Variants in SMIM14 observed in about 807,000 individuals in gnomAD.
SMIM14 encodes the protein chromosome 4 open reading frame 34.
In SMIM14, 5 loss-of-function variants were observed where a neutral mutation model predicts 12.6. The ratio of observed to expected loss-of-function variants is 0.40; its 90% CI spans 0.21 to 0.83. SMIM14 has a LOEUF of 0.83. Ranked by LOEUF, SMIM14 falls within the 40% of genes least tolerant of loss-of-function variation. SMIM14 has a pLI of 0.37. For missense variants in SMIM14, 86 were observed against 119.1 expected (o/e 0.72, Z 1.29); for synonymous variants, 30 against 40.1 (o/e 0.75, Z 0.95).
chr4:39,603,627 T>C (rs956879403), intron 2 of SMIM14, among the ~76,000 whole-genome samples: 2 of 152,102 alleles, frequency 1.3e-5, no homozygotes, highest in African/African-American at 4.8e-5. Context: ...TATTTAAGCT[T>C]ATAGACTCAC....
intron 1 of SMIM14, among the ~76,000 whole-genome samples, chr4:39,614,464 G>A (rs1278933170): frequency 6.6e-6 from 1 of 151,850 alleles, no homozygotes; most frequent in Non-Finnish European, 1.5e-5. Flanking sequence ...GGGATTACAG[G>A]TGTGTGCCAC....
chr4:39,604,703 T>C (rs1333366916), intron 2 of SMIM14, among the ~76,000 whole-genome samples: 2 of 151,632 alleles, frequency 1.3e-5, no homozygotes, highest in African/African-American at 2.4e-5. Context: ...CTCTGCCTCC[T>C]GGGTTCAAGC....
intron 4 of SMIM14, among the ~76,000 whole-genome samples, chr4:39,556,137 T>C (rs921592940): frequency 1.3e-5 from 2 of 148,638 alleles, no homozygotes; most frequent in African/African-American, 5.0e-5. Flanking sequence ...CAGTCCAGCC[T>C]GGGCGGCACA....
chr4:39,613,392 T>C (rs1436692900), intron 1 of SMIM14, among the ~76,000 whole-genome samples: 1 of 152,250 alleles, frequency 6.6e-6, no homozygotes, highest in Admixed American at 6.5e-5. Flanking sequence ...TTTCTTCCTG[T>C]ACACTTGAGC....
chr4:39,566,342 T>C lies in SMIM14; in HGVS notation c.124+6073A>G, dbSNP rs549585991. Among the ~76,000 whole-genome samples, 36 of 151,858 alleles carry C rather than the reference T, an allele frequency of 2.4e-4. No homozygotes were observed. The South Asian group carries it at 5.6e-3, about 24-fold the overall frequency. ...TGAAGATGTTGAATTTGAGGTGCCT[T>C]GTTAGACATCCCAGTGGAAATGCCC... On this transcript the variant is annotated intron_variant, in intron 3 of 4. Coordinates refer to ENST00000295958, the MANE Select transcript of SMIM14 (RefSeq NM_174921.3).
chr4:39,633,961 C>G (rs1188513468), intron 1 of SMIM14, among the ~76,000 whole-genome samples: 2 of 152,176 alleles, frequency 1.3e-5, no homozygotes, highest in African/African-American at 4.8e-5. Context: ...GAGACGGAGT[C>G]TCGCTCTGTC....
In SMIM14 at chr4:39,552,030, G is replaced by A; in HGVS notation, c.*96C>T. The A allele has an allele frequency of 1.0e-6, 1 of 991,248 alleles. No individual in the cohort carries two copies. Among genetic ancestry groups the A allele is most frequent in the African/African-American group, 1.7e-5 (1 of 59,690 alleles). 61.4% of individuals were successfully genotyped at this position (991,248 alleles called of 1,614,324 possible). ...ACCATCCCATATTGCAGATACAAAA[G>A]GAAAAACAGTTCTAATGGGGTTAAG... On this transcript the variant is annotated 3_prime_UTR_variant, in exon 5 of 5. Coordinates refer to ENST00000295958, the MANE Select transcript of SMIM14 (RefSeq NM_174921.3).
intron 1 of SMIM14, among the ~76,000 whole-genome samples, chr4:39,621,781 C>G (rs1715503448): frequency 6.7e-6 from 1 of 150,206 alleles, no homozygotes; most frequent in African/African-American, 2.4e-5. Flanking sequence ...CATCCTTGAC[C>G]TCCCAGGCTC....
Position 39,625,488 on chromosome 4 carries a change from C to T in SMIM14, c.-36+13251G>A, listed in dbSNP as rs144822839. Among the ~76,000 whole-genome samples, 788 of 152,014 alleles carry T rather than the reference C, an allele frequency of 5.2e-3. 10 individuals carry two copies. Among genetic ancestry groups the T allele is most frequent in the African/African-American group, 0.018 (733 of 41,454 alleles). Reference sequence around the variant, plus strand: ...ACGGAGTCTTGCTCTGTTGCCCAGGCTGGAGTGCAGTGGCGCAATCTAGAC... The same window carrying T: ...ACGGAGTCTTGCTCTGTTGCCCAGGTTGGAGTGCAGTGGCGCAATCTAGAC... On this transcript the variant is annotated intron_variant, in intron 1 of 4. Transcript: ENST00000295958.
intron 3 of SMIM14, among the ~76,000 whole-genome samples, chr4:39,570,732 C>T (rs1712839494): frequency 6.6e-6 from 1 of 151,934 alleles, no homozygotes; most frequent in Non-Finnish European, 1.5e-5. Context: ...ACATAGCTCA[C>T]TGCAGCCTCA....
At chr4:39,605,034 G>A in intron 2 of SMIM14, 37 bp downstream of exon 2, 1 of 1,255,390 alleles carries the variant, frequency 8.0e-7, no homozygotes, top group Non-Finnish European at 1.2e-6. Flanking sequence ...AAGGGATACA[G>A]ATCAGTTCAG....
chr4:39,622,418 TGAGACG>T lies in SMIM14; in HGVS notation c.-36+16315_-36+16320del, dbSNP rs1156351766. 9.9e-5 allele frequency among the ~76,000 whole-genome samples: 15 copies of T among 152,090 alleles called. 1 individual carries two copies. In the East Asian group the frequency reaches 2.7e-3, roughly 27 times the overall value. On this transcript the variant is annotated intron_variant, in intron 1 of 4. Coordinates refer to ENST00000295958, the MANE Select transcript of SMIM14 (RefSeq NM_174921.3). ...TTTTATTTTATTTTTATTTATTTTT[TGAGACG>T]GAGTCTCGCTTTTTTGCCCAGGCTG...
chr4:39,561,029 A>G (rs1383252480), intron 3 of SMIM14, among the ~76,000 whole-genome samples: 1 of 145,164 alleles, frequency 6.9e-6, no homozygotes, highest in African/African-American at 2.8e-5. Flanking sequence ...TTCCAGAGTG[A>G]TTTTTTTTTC....
intron 2 of SMIM14, among the ~76,000 whole-genome samples, chr4:39,596,340 T>C (rs1488142100): frequency 6.6e-6 from 1 of 151,954 alleles, no homozygotes; most frequent in Non-Finnish European, 1.5e-5. Flanking sequence ...GGTGATCCAC[T>C]TGCCTCGGCC....
intron 1 of SMIM14, chr4:39,612,095 G>A (rs1002095829): frequency 2.0e-5 from 3 of 151,496 alleles, no homozygotes; most frequent in African/African-American, 4.9e-5. Context: ...TTTGTCTGAG[G>A]CCACTCTGTC....
chr4:39,605,497 T>C (rs1714770908), intron 1 of SMIM14, among the ~76,000 whole-genome samples: 2 of 152,090 alleles, frequency 1.3e-5, no homozygotes, highest in Non-Finnish European at 2.9e-5. Context: ...TTAGCTCCAG[T>C]ATGCAAATAA....
At chr4:39,585,579 G>A (rs1411273383) in intron 2 of SMIM14, among the ~76,000 whole-genome samples, 1 of 152,060 alleles carries the variant, frequency 6.6e-6, no homozygotes, top group East Asian at 1.9e-4. Flanking sequence ...TTACAGGCAT[G>A]AGCCACTGCG....
Position 39,547,046 on chromosome 4 carries a change from G to A in SMIM14, c.*5080C>T, listed in dbSNP as rs1389310618. On this transcript the variant is annotated 3_prime_UTR_variant, in exon 5 of 5. Coordinates refer to ENST00000295958, the MANE Select transcript of SMIM14 (RefSeq NM_174921.3). ...TTACCTGGTATTCTAGGAAGAGAGAGAGAAAGAAAATAACCAAAGAAATGT... is the reference window on the plus strand; with the variant it reads ...TTACCTGGTATTCTAGGAAGAGAGAAAGAAAGAAAATAACCAAAGAAATGT... 1 of 152,158 alleles carries A rather than the reference G, an allele frequency of 6.6e-6. No individual in the cohort carries two copies. Among genetic ancestry groups the A allele is most frequent in the Non-Finnish European group, 1.5e-5 (1 of 68,022 alleles). The allele number at this position is 152,158 out of a possible 1,614,324, so 9.4% of individuals were successfully genotyped here. A position where few individuals can be genotyped will look rare whatever the true frequency, so the allele number is the denominator to read the frequency against.
chr4:39,632,806 CACACACACACACACACACACAAAAGA>C (rs1578373687), intron 1 of SMIM14, among the ~76,000 whole-genome samples: 2 of 150,818 alleles, frequency 1.3e-5, no homozygotes, highest in African/African-American at 4.9e-5. Flanking sequence ...CACACACACA[CACACACACACACACACACACAAAAGA>C]AAAAGAAAAA....
Sources: allele counts gnomAD v4.1 joint callset (sites outside exome capture counted in the v4.1 genomes callset), GRCh38; gene constraint gnomAD v4.1.1; transcripts MANE v1.5; gene names NCBI Gene and HGNC (gene_info 2026-07-23, HGNC 2026-07-21).